The following CAMSAP2 variants were observed in gnomAD, a reference collection of about 807,000 sequenced individuals.
CAMSAP2 encodes the protein calmodulin-regulated spectrin-associated protein 2.
A neutral mutation model predicts 146.1 loss-of-function variants in CAMSAP2; 26 were observed. That is an observed-to-expected ratio of 0.18 (90% confidence interval 0.13 to 0.25). The LOEUF is 0.25. CAMSAP2 is among the 10% of genes least tolerant of loss of function. CAMSAP2 has a pLI of 1.00. For synonymous variants in CAMSAP2, 499 were observed against 596.6 expected, an observed-to-expected ratio of 0.84 and a Z score of 2.38; for missense variants, 1,381 against 1,759.3, an observed-to-expected ratio of 0.78 and a Z score of 3.85.
chr1:200,804,043 C>T (rs1424695436), intron 2 of CAMSAP2, among the ~76,000 whole-genome samples: 3 of 152,066 alleles, frequency 2.0e-5, no homozygotes, highest in Non-Finnish European at 4.4e-5. Context: ...TCTCCTGCCT[C>T]AGCCTCCTGA....
At chr1:200,799,361 T>C (rs1217368281) in intron 2 of CAMSAP2, among the ~76,000 whole-genome samples, 2 of 152,172 alleles carry the variant, frequency 1.3e-5, no homozygotes, top group African/African-American at 4.8e-5. Flanking sequence ...TTGTTATTGG[T>C]CTGTTCAGGG....
At chr1:200,758,811 C>G (rs1664718320) in intron 1 of CAMSAP2, among the ~76,000 whole-genome samples, 1 of 152,004 alleles carries the variant, frequency 6.6e-6, no homozygotes, top group Admixed American at 6.6e-5. Context: ...CCATCTTGAC[C>G]CTCTTTCTTT....
At chr1:200,787,314 G>A (rs565932388) in intron 2 of CAMSAP2, among the ~76,000 whole-genome samples, 14 of 152,246 alleles carry the variant, frequency 9.2e-5, no homozygotes, top group Non-Finnish European at 1.5e-4. Context: ...TTCATGATTC[G>A]TGGGAGGAGA....
intron 2 of CAMSAP2, among the ~76,000 whole-genome samples, chr1:200,796,753 G>T (rs1571764421): frequency 6.6e-6 from 1 of 150,416 alleles, no homozygotes; most frequent in Admixed American, 6.6e-5. Context: ...CATGTGCCAT[G>T]CTGGTGCACT....
Position 200,760,980 on chromosome 1 carries a change from C to G in CAMSAP2, c.281C>G (p.Ala94Gly). The change falls in exon 2 of 17, where the codon GCA (alanine) becomes GGA (glycine). Residue 94 changes from alanine to glycine, a missense_variant. Physicochemically the swap from Ala to Gly is moderately conservative, Grantham distance 60 (BLOSUM62 0). Coordinates refer to ENST00000358823, the MANE Select transcript of CAMSAP2 (RefSeq NM_203459.4). ...AGSLILKSDA[A>G]KPLLGHDAVI... ...AGTCTCATTCTCAAGAGTGATGCTG[C>G]AAAACCCCTTTTGGGCCATGATGCT... The G allele has an allele frequency of 6.2e-7, 1 of 1,614,124 alleles. No individual in the cohort carries two copies. The highest frequency in any genetic ancestry group is 2.2e-5 in the East Asian group (1 of 44,874).
At chr1:200,747,918 C>T (rs945676886) in intron 1 of CAMSAP2, among the ~76,000 whole-genome samples, 39 of 143,122 alleles carry the variant, frequency 2.7e-4, no homozygotes, top group African/African-American at 9.7e-4. Context: ...ACCCGGGAGG[C>T]GGAGCTTGCA....
chr1:200,753,422 A>C (rs2102994117), intron 1 of CAMSAP2, among the ~76,000 whole-genome samples: 1 of 152,098 alleles, frequency 6.6e-6, no homozygotes, highest in South Asian at 2.1e-4. Context: ...ACAAGCAGCC[A>C]GTTCTCTGCA....
At chr1:200,817,159 CACACACGTGTGTGTATAT>C (rs1328742352) in intron 4 of CAMSAP2, among the ~76,000 whole-genome samples, 20,139 of 121,508 alleles carry the variant, frequency 0.17, 2,123 homozygotes, top group East Asian at 0.39. Context: ...TACACACATA[CACACACGTGTGTGTATAT>C]ACACACACAC....
At position 200,849,361 on chromosome 1, in the gene CAMSAP2, G is replaced by A. The variant is rs1343128272; in HGVS notation, c.2592G>A (p.Leu864=). ...TPIDPEKQWN[L]ASPSEETLNE... ...TTGATCCTGAGAAGCAGTGGAACCT[G>A]GCAAGCCCCTCAGAAGAAACTTTAA... The change falls in exon 11 of 17, where the codon CTG becomes CTA. Residue 864 remains leucine, a synonymous_variant. Coordinates refer to ENST00000358823, the MANE Select transcript of CAMSAP2 (RefSeq NM_203459.4). The surrounding 1 kb of genome is among the most constrained non-coding windows in gnomAD (Gnocchi z 6.3). The A allele has an allele frequency of 1.9e-6, 3 of 1,613,890 alleles. No individual in the cohort carries two copies. Among genetic ancestry groups the A allele is most frequent in the African/African-American group, 2.7e-5 (2 of 74,866 alleles).
intron 6 of CAMSAP2, among the ~76,000 whole-genome samples, chr1:200,840,776 T>A (rs1327631716): frequency 6.6e-6 from 1 of 152,206 alleles, no homozygotes; most frequent in Non-Finnish European, 1.5e-5. Flanking sequence ...TTAAAAACTT[T>A]AATATGAAAT....
In CAMSAP2 at chr1:200,859,450, A is replaced by G. The variant is rs1667829164; in HGVS notation, c.*1391A>G. The G allele has an allele frequency of 6.6e-6, 1 of 152,604 alleles. No homozygotes were observed. Among genetic ancestry groups the G allele is most frequent in the African/African-American group, 2.4e-5 (1 of 41,438 alleles). 9.5% of individuals were successfully genotyped at this position (152,604 alleles called of 1,614,324 possible). Reference sequence around the variant, plus strand: ...TACTTATTTTAAAAAAAAGAATAGGAATGAGATGTCCCTGAGCTGTACTTT... The same window carrying G: ...TACTTATTTTAAAAAAAAGAATAGGGATGAGATGTCCCTGAGCTGTACTTT... On this transcript the variant is annotated 3_prime_UTR_variant, in exon 17 of 17. Coordinates refer to ENST00000358823, the MANE Select transcript of CAMSAP2 (RefSeq NM_203459.4).
At chr1:200,748,573 G>A (rs1664409469) in intron 1 of CAMSAP2, among the ~76,000 whole-genome samples, 1 of 149,504 alleles carries the variant, frequency 6.7e-6, no homozygotes, top group Non-Finnish European at 1.5e-5. Context: ...TTTTCTTAAT[G>A]TATAGGCTCC....
intron 4 of CAMSAP2, among the ~76,000 whole-genome samples, chr1:200,823,356 C>T (rs1232350391): frequency 1.3e-5 from 2 of 152,194 alleles, no homozygotes. Context: ...AGTACAACTT[C>T]ACCCAGTTTT....
intron 2 of CAMSAP2, among the ~76,000 whole-genome samples, chr1:200,802,064 T>G (rs1470272666): frequency 1.3e-5 from 2 of 152,226 alleles, no homozygotes; most frequent in East Asian, 3.8e-4. Context: ...GGATTTTATT[T>G]TAACTAAATT....
Position 200,859,089 on chromosome 1 carries a change from T to G in CAMSAP2, c.*1030T>G, listed in dbSNP as rs977273221. 1 of 152,556 alleles carries G rather than the reference T, an allele frequency of 6.6e-6. No homozygotes were observed. The highest frequency in any genetic ancestry group is 6.5e-5 in the Admixed American group (1 of 15,278). 9.5% of individuals were successfully genotyped at this position (152,556 alleles called of 1,614,324 possible). ...TAAAATAGCTTCACATTATTTTACTTATATTGGGTTTTTCTTCATTTTAAT... is the reference window on the plus strand; with the variant it reads ...TAAAATAGCTTCACATTATTTTACTGATATTGGGTTTTTCTTCATTTTAAT... On this transcript the variant is annotated 3_prime_UTR_variant, in exon 17 of 17. Transcript: ENST00000358823.
intron 6 of CAMSAP2, among the ~76,000 whole-genome samples, chr1:200,839,132 G>A (rs1417538808): frequency 4.6e-5 from 7 of 152,182 alleles, no homozygotes; most frequent in African/African-American, 1.7e-4. Context: ...GATGGACGTA[G>A]GCATGGCAGT....
intron 4 of CAMSAP2, among the ~76,000 whole-genome samples, chr1:200,827,801 C>T (rs1429828731): frequency 2.0e-5 from 3 of 152,060 alleles, no homozygotes; most frequent in Non-Finnish European, 4.4e-5. Flanking sequence ...AACATTTATT[C>T]AGAGCCAGAA....
intron 7 of CAMSAP2, among the ~76,000 whole-genome samples, chr1:200,844,449 G>T (rs527800898): frequency 1.3e-5 from 2 of 152,132 alleles, no homozygotes; most frequent in East Asian, 3.9e-4. Context: ...TTGGGAGGCT[G>T]AGGCAGGAGA....
chr1:200,830,511 A>C (rs1287007471), intron 4 of CAMSAP2, among the ~76,000 whole-genome samples: 3 of 152,344 alleles, frequency 2.0e-5, no homozygotes, highest in African/African-American at 7.2e-5. Context: ...TCCAAGAGGC[A>C]GACTGTTTTT....
Sources: allele counts gnomAD v4.1 joint callset (sites outside exome capture counted in the v4.1 genomes callset), GRCh38; gene constraint gnomAD v4.1.1; non-coding constraint Gnocchi (gnomAD v3.1); transcripts MANE v1.5; gene names NCBI Gene and HGNC (gene_info 2026-07-23, HGNC 2026-07-21).